The following TGFBR1 variants were observed in gnomAD, a reference collection of about 807,000 sequenced individuals.
The protein encoded by TGFBR1 is TGF-beta receptor type-1.
Under a neutral mutation model 55.1 loss-of-function variants are expected in TGFBR1, and 20 were observed. The observed-to-expected ratio is 0.36, with a 90% confidence interval of 0.26 to 0.53. TGFBR1 has a LOEUF of 0.53. Among genes scored for constraint, TGFBR1 ranks in the 20% least tolerant of loss-of-function variants. The pLI is 0.91. For missense variants in TGFBR1, 385 were observed against 617.6 expected (o/e 0.62, Z 3.99); for synonymous variants, 220 against 214.8 (o/e 1.02, Z -0.21).
intron 3 of TGFBR1, among the ~76,000 whole-genome samples, chr9:99,137,411 C>T (rs1827470941): frequency 6.6e-6 from 1 of 152,150 alleles, no homozygotes; most frequent in South Asian, 2.1e-4. Flanking sequence ...TAAAGCTCTT[C>T]ATTGGTTATT....
chr9:99,146,796 G>C (rs11568798), intron 7 of TGFBR1, among the ~76,000 whole-genome samples, 187 bp downstream of exon 7: 10 of 152,214 alleles, frequency 6.6e-5, no homozygotes, highest in Admixed American at 3.3e-4. Flanking sequence ...CACATGCACA[G>C]CTCTAGCCTA....
chr9:99,115,399 A>G (rs1826706402), intron 1 of TGFBR1, among the ~76,000 whole-genome samples: 1 of 152,220 alleles, frequency 6.6e-6, no homozygotes, highest in Non-Finnish European at 1.5e-5. Context: ...ACATTTCTAC[A>G]TTATAAGATT....
chr9:99,143,767 A>G (rs1418834591), intron 5 of TGFBR1, among the ~76,000 whole-genome samples: 1 of 152,120 alleles, frequency 6.6e-6, no homozygotes, highest in African/African-American at 2.4e-5. Flanking sequence ...GAATATCTTC[A>G]CTCCAAAGAG....
At position 99,148,024 on chromosome 9, in the gene TGFBR1, C is replaced by T. The variant is rs575407828; in HGVS notation, c.1386+240C>T. Among the ~76,000 whole-genome samples, 34 of 152,242 alleles carry T rather than the reference C, an allele frequency of 2.2e-4. 1 individual carries two copies. In the South Asian group the frequency reaches 6.8e-3, roughly 31 times the overall value. On this transcript the variant is annotated intron_variant, in intron 8 of 8. Transcript: ENST00000374994. ...CAGAACATAGTTTAGATCTGCCGGGCGAACTAAGGCACATATTTTTAAATG... is the reference window on the plus strand; with the variant it reads ...CAGAACATAGTTTAGATCTGCCGGGTGAACTAAGGCACATATTTTTAAATG...
chr9:99,146,395 C>T (rs1827796710), intron 6 of TGFBR1, 90 bp from the exon 7 acceptor site: 1 of 1,362,988 alleles, frequency 7.3e-7, no homozygotes, highest in African/African-American at 1.4e-5. Context: ...GTACATATGT[C>T]TATGTATAAA....
At position 99,126,731 on chromosome 9, in the gene TGFBR1, A is replaced by G. The variant is rs529420018; in HGVS notation, c.98-2124A>G. Among the ~76,000 whole-genome samples the G allele has an allele frequency of 2.6e-5, 4 of 152,330 alleles. No homozygotes were observed. The South Asian group carries it at 8.3e-4, about 32-fold the overall frequency. On this transcript the variant is annotated intron_variant, in intron 1 of 8. Coordinates refer to ENST00000374994, the MANE Select transcript of TGFBR1 (RefSeq NM_004612.4). ...GTTCAGAATTCCTCCTTAGGAAATC[A>G]TACCCAGACAGCCATCACCATCACA...
chr9:99,138,703 G>T (rs755773344), intron 4 of TGFBR1, among the ~76,000 whole-genome samples: 2 of 152,230 alleles, frequency 1.3e-5, no homozygotes, highest in Non-Finnish European at 2.9e-5. Context: ...AAGCCTGTCA[G>T]CAGGGAGTCA....
chr9:99,107,315 T>TG (rs1488632112), intron 1 of TGFBR1, among the ~76,000 whole-genome samples: 22 of 152,366 alleles, frequency 1.4e-4, no homozygotes, highest in African/African-American at 5.3e-4. Flanking sequence ...TTTAAAGACT[T>TG]GCACCTTTTT....
rs879166510 is a variant in TGFBR1 at position 99,151,386 on chromosome 9, G to GT, written c.*2091dup. The GT allele has an allele frequency of 5.2e-3, 1,009 of 193,344 alleles. 5 individuals are homozygous for GT. Among genetic ancestry groups the GT allele is most frequent in the East Asian group, 0.032 (410 of 13,000 alleles). The allele number at this position is 193,344 out of a possible 1,614,324, so 12.0% of individuals were successfully genotyped here. ...GTGATCAGGTACTTTTTTTGTGGGG[G>GT]TTTTTTTTTTGTTTTTTTTTTTTTG... is the stretch of plus-strand genomic sequence containing the variant. On this transcript the variant is annotated 3_prime_UTR_variant, in exon 9 of 9. Transcript: ENST00000374994.
chr9:99,149,270 T>C lies in TGFBR1; in HGVS notation c.1477T>C (p.Ser493Pro). ...AGCATTGCGGATTAAGAAAACATTA[T>C]CGCAACTCAGTCAACAGGAAGGCAT... Reference protein sequence around the residue: ...LTALRIKKTLSQLSQQEGIKM With the variant: ...LTALRIKKTLPQLSQQEGIKM The change falls in exon 9 of 9, where the codon TCG (serine) becomes CCG (proline). Residue 493 changes from serine (S) to proline (P), a missense_variant. This residue lies in a region of TGFBR1 where 110 missense variants were observed against 154.6 expected (regional missense o/e 0.71). Coordinates refer to ENST00000374994, the MANE Select transcript of TGFBR1 (RefSeq NM_004612.4). 6.2e-7 allele frequency: 1 copy of C among 1,613,886 alleles called. No individual in the cohort carries two copies. The highest frequency in any genetic ancestry group is 1.3e-5 in the African/African-American group (1 of 75,000).
Position 99,146,615 on chromosome 9 carries a change from T to C in TGFBR1, c.1255+6T>C. Reference sequence around the variant, plus strand: ...TCGACGATGTTCCATTGGTGGTAAATTGCTCTCCTCTCCCCCAGTAGTTTG... The same window carrying C: ...TCGACGATGTTCCATTGGTGGTAAACTGCTCTCCTCTCCCCCAGTAGTTTG... On this transcript the variant is annotated splice_donor_region_variant and intron_variant, in intron 7 of 8. Transcript: ENST00000374994. 1 of 1,613,924 alleles carries C rather than the reference T, an allele frequency of 6.2e-7. No homozygotes were observed. The highest frequency in any genetic ancestry group is 8.5e-7 in the Non-Finnish European group (1 of 1,179,834).
intron 1 of TGFBR1, among the ~76,000 whole-genome samples, chr9:99,116,345 C>T (rs138116425): frequency 7.2e-5 from 11 of 152,218 alleles, no homozygotes; most frequent in African/African-American, 2.4e-4. Flanking sequence ...TCTGCGAGGA[C>T]CAACAGGCTC....
At position 99,152,434 on chromosome 9, in the gene TGFBR1, C is replaced by G. The variant is rs200301959; in HGVS notation, c.*3129C>G. On this transcript the variant is annotated 3_prime_UTR_variant, in exon 9 of 9. Transcript: ENST00000374994. ...TAATAATGATAGTGCTCAAGAAGTG[C>G]CTTGAGTTGGTGTACAGTGCCATGG... 3 of 229,014 alleles carry G rather than the reference C, an allele frequency of 1.3e-5. No individual in the cohort carries two copies. The highest frequency in any genetic ancestry group is 2.6e-5 in the Non-Finnish European group (3 of 115,166). 14.2% of individuals were successfully genotyped at this position (229,014 alleles called of 1,614,324 possible).
At chr9:99,124,825 A>G (rs1013727323) in intron 1 of TGFBR1, among the ~76,000 whole-genome samples, 2 of 152,106 alleles carry the variant, frequency 1.3e-5, no homozygotes, top group African/African-American at 4.8e-5. Flanking sequence ...GTAGTTAAGA[A>G]AAACCCTTTA....
rs535449419 is a variant in TGFBR1, at chr9:99,126,058, C to T, written c.98-2797C>T. On this transcript the variant is annotated intron_variant, in intron 1 of 8. Coordinates refer to ENST00000374994, the MANE Select transcript of TGFBR1 (RefSeq NM_004612.4). ...ATACCAATTATTGTGAAGGTAAGGG[C>T]GAGGTTTAGAGCACATAATGGCAAA... 9.2e-5 allele frequency among the ~76,000 whole-genome samples: 14 copies of T among 152,040 alleles called. No homozygotes were observed. In the South Asian group the frequency reaches 2.3e-3, roughly 25 times the overall value.
rs749441442 is a variant in TGFBR1 at position 99,118,643 on chromosome 9, C to CTTT, written c.98-10194_98-10192dup. ...GCCAAACTCCCTTACTGTTTTCTTT[C>CTTT]TTTTTTTTTTTTTTTTTTTTGAGAC... On this transcript the variant is annotated intron_variant, in intron 1 of 8. Transcript: ENST00000374994. Among the ~76,000 whole-genome samples the CTTT allele has an allele frequency of 5.9e-4, 77 of 129,730 alleles. 2 individuals are homozygous for CTTT. The highest frequency in any genetic ancestry group is 1.9e-3 in the African/African-American group (65 of 34,196). The allele number at this position is 129,730 out of a possible 152,430, so 85.1% of individuals were successfully genotyped here. A position where few individuals can be genotyped will look rare whatever the true frequency, so the allele number is the denominator to read the frequency against.
At position 99,132,493 on chromosome 9, in the gene TGFBR1, C is replaced by T. The variant is rs186017492; in HGVS notation, c.344-16C>T. 5.6e-6 allele frequency: 9 copies of T among 1,613,368 alleles called. No individual in the cohort carries two copies. The highest frequency in any genetic ancestry group is 2.2e-5 in the South Asian group (2 of 91,072). On this transcript the variant is annotated splice_polypyrimidine_tract_variant and intron_variant, in intron 2 of 8. Coordinates refer to ENST00000374994, the MANE Select transcript of TGFBR1 (RefSeq NM_004612.4). Reference sequence around the variant, plus strand: ...TGTCGTTGTTGATGTTTATTTCACTCGAGGCCCTTTTTCAGTAAAGTCATC... The same window carrying T: ...TGTCGTTGTTGATGTTTATTTCACTTGAGGCCCTTTTTCAGTAAAGTCATC...
At chr9:99,126,081 A>G (rs1387371134) in intron 1 of TGFBR1, among the ~76,000 whole-genome samples, 4 of 152,226 alleles carry the variant, frequency 2.6e-5, no homozygotes, top group Non-Finnish European at 4.4e-5. Flanking sequence ...ACATAATGGC[A>G]AAGATCCTGT....
rs557383770 is a variant in TGFBR1, at chr9:99,123,912, A to C, written c.98-4943A>C. Among the ~76,000 whole-genome samples the C allele has an allele frequency of 1.1e-4, 16 of 152,334 alleles. No homozygotes were observed. The South Asian group carries it at 3.3e-3, about 32-fold the overall frequency. The stretch of plus-strand genomic sequence containing the variant: ...ATGTTCGTTTCCAAATGTGTTAATA[A>C]AGTACAGTATCTCATTTGATTAGCT... On this transcript the variant is annotated intron_variant, in intron 1 of 8. Coordinates refer to ENST00000374994, the MANE Select transcript of TGFBR1 (RefSeq NM_004612.4).
Sources: allele counts gnomAD v4.1 joint callset (sites outside exome capture counted in the v4.1 genomes callset), GRCh38; gene constraint gnomAD v4.1.1; regional missense constraint gnomAD v4.1.1; transcripts MANE v1.5; gene names NCBI Gene and HGNC (gene_info 2026-07-23, HGNC 2026-07-21).